PCSK5: variants seen among roughly 807,000 people sequenced by gnomAD.
PCSK5 encodes the protein prohormone convertase 5.
PCSK5 carries 129 observed loss-of-function variants against 233.2 expected under a neutral mutation model. The ratio of observed to expected loss-of-function variants is 0.55; its 90% CI spans 0.48 to 0.64. PCSK5 has a LOEUF of 0.64. Among genes scored for constraint, PCSK5 ranks in the 30% least tolerant of loss-of-function variants. PCSK5 has a pLI of 0.00. For missense variants in PCSK5, 2,076 were observed against 2,430.1 expected (o/e 0.85, Z 3.06); for synonymous variants, 825 against 879.2 (o/e 0.94, Z 1.09).
At chr9:76,193,229 T>G in intron 20 of PCSK5, 1 of 1,612,372 alleles carries the variant, frequency 6.2e-7, no homozygotes, top group Non-Finnish European at 8.5e-7. Flanking sequence ...TGCTGACTTC[T>G]GGAAAAGCAA....
chr9:76,037,689 TGAGCCAAAGAA>T (rs1828920561), intron 5 of PCSK5, among the ~76,000 whole-genome samples: 2 of 152,152 alleles, frequency 1.3e-5, no homozygotes, highest in Non-Finnish European at 2.9e-5. Context: ...AGGAAAAGAC[TGAGCCAAAGAA>T]GAGCCTGTGA....
At chr9:76,121,303 T>A in intron 9 of PCSK5, among the ~76,000 whole-genome samples, 1 of 152,152 alleles carries the variant, frequency 6.6e-6, no homozygotes, top group East Asian at 1.9e-4. Context: ...AATACATTGT[T>A]AATATTATTC....
intron 12 of PCSK5, among the ~76,000 whole-genome samples, chr9:76,166,448 T>G (rs1823089694): frequency 6.6e-6 from 1 of 152,202 alleles, no homozygotes; most frequent in Admixed American, 6.5e-5. Context: ...TGAAATGACT[T>G]TCAAAGGTGG....
At chr9:76,061,560 G>A (rs190393679) in intron 5 of PCSK5, among the ~76,000 whole-genome samples, 4 of 152,198 alleles carry the variant, frequency 2.6e-5, no homozygotes, top group Non-Finnish European at 2.9e-5. Context: ...AATAACTTAC[G>A]AAGACTAATG....
chr9:75,983,803 G>C (rs544491027), intron 2 of PCSK5, among the ~76,000 whole-genome samples: 1 of 152,198 alleles, frequency 6.6e-6, no homozygotes, highest in South Asian at 2.1e-4. Context: ...ATAACCTCTG[G>C]CTTTTTCCTT....
At chr9:75,991,035 T>C (rs533934834) in intron 3 of PCSK5, among the ~76,000 whole-genome samples, 2 of 152,348 alleles carry the variant, frequency 1.3e-5, no homozygotes, top group South Asian at 2.1e-4. Context: ...CACACTTTCA[T>C]GTGTATTATC....
At chr9:76,053,936 C>T (rs1303731828) in intron 5 of PCSK5, among the ~76,000 whole-genome samples, 6 of 152,082 alleles carry the variant, frequency 3.9e-5, no homozygotes, top group African/African-American at 1.2e-4. Context: ...AAGACATACT[C>T]GAGATTGGGT....
At chr9:76,209,145 A>C (rs1451875958) in intron 20 of PCSK5, among the ~76,000 whole-genome samples, 1 of 152,228 alleles carries the variant, frequency 6.6e-6, no homozygotes, top group Non-Finnish European at 1.5e-5. Flanking sequence ...ACAAATGTCT[A>C]GCCTACTAAA....
intron 35 of PCSK5, among the ~76,000 whole-genome samples, chr9:76,348,853 A>G (rs1830044235): frequency 6.6e-6 from 1 of 151,668 alleles, no homozygotes; most frequent in Non-Finnish European, 1.5e-5. Flanking sequence ...TACTTCTATG[A>G]GTTCAATTGT....
chr9:75,898,458 G>A (rs560798239), intron 1 of PCSK5, among the ~76,000 whole-genome samples: 5 of 152,162 alleles, frequency 3.3e-5, no homozygotes, highest in South Asian at 4.2e-4. Flanking sequence ...ACTCCTGATC[G>A]TTGACTGGGG....
At chr9:76,197,720 C>G (rs748478069) in intron 20 of PCSK5, among the ~76,000 whole-genome samples, 42 of 152,198 alleles carry the variant, frequency 2.8e-4, no homozygotes, top group African/African-American at 9.9e-4. Flanking sequence ...CCTTCTGTCC[C>G]CAACCACAAG....
chr9:76,296,962 A>G (rs1828459940), intron 27 of PCSK5, 97 bp downstream of exon 27: 1 of 775,026 alleles, frequency 1.3e-6, no homozygotes, highest in Non-Finnish European at 2.2e-6. Flanking sequence ...CAGGAGAGAA[A>G]GGCTGTGCAG....
At chr9:76,037,258 G>A (rs1229871683) in intron 5 of PCSK5, among the ~76,000 whole-genome samples, 3 of 152,094 alleles carry the variant, frequency 2.0e-5, no homozygotes, top group East Asian at 1.9e-4. Flanking sequence ...AAAGGAAAGG[G>A]AAAACTTCAC....
At chr9:76,251,963 T>G (rs1272652718) in intron 24 of PCSK5, among the ~76,000 whole-genome samples, 1 of 151,522 alleles carries the variant, frequency 6.6e-6, no homozygotes, top group Non-Finnish European at 1.5e-5. Context: ...TATGCTTTTT[T>G]GCAATTATAA....
Position 76,180,351 on chromosome 9 carries a change from G to A in PCSK5, c.2003+653G>A, listed in dbSNP as rs1261752047. On this transcript the variant is annotated intron_variant, in intron 15 of 37. Transcript: ENST00000674117. ...TGTCCTTTCCACCCCACTGATGTTT[G>A]ATTTCATGGCTTCACAAAGATGCCA... Among the ~76,000 whole-genome samples, 3 of 152,148 alleles carry A rather than the reference G, an allele frequency of 2.0e-5. No homozygotes were observed. In the East Asian group the frequency reaches 5.8e-4, roughly 29 times the overall value.
intron 2 of PCSK5, among the ~76,000 whole-genome samples, chr9:75,972,622 T>A (rs556475430): frequency 6.6e-6 from 1 of 152,346 alleles, no homozygotes; most frequent in South Asian, 2.1e-4. Flanking sequence ...TTCCTAGGTA[T>A]TTTATTCTTT....
chr9:75,942,885 CT>C (rs1393843650), intron 2 of PCSK5, among the ~76,000 whole-genome samples: 1,757 of 85,632 alleles, frequency 0.021, 12 homozygotes, highest in African/African-American at 0.05. Flanking sequence ...TCTTCTTCTT[CT>C]TTTTTTTTTT....
At chr9:76,056,990 T>C (rs1178860260) in intron 5 of PCSK5, among the ~76,000 whole-genome samples, 1 of 152,190 alleles carries the variant, frequency 6.6e-6, no homozygotes, top group Non-Finnish European at 1.5e-5. Flanking sequence ...AATATTCCAA[T>C]GAGTATTTAT....
intron 3 of PCSK5, among the ~76,000 whole-genome samples, chr9:75,991,369 A>C (rs185953844): frequency 6.6e-6 from 1 of 152,090 alleles, no homozygotes; most frequent in Admixed American, 6.6e-5. Flanking sequence ...CCCCTTTGAG[A>C]CACCACTTCC....
Sources: allele counts gnomAD v4.1 joint callset (sites outside exome capture counted in the v4.1 genomes callset), GRCh38; gene constraint gnomAD v4.1.1; transcripts MANE v1.5; gene names NCBI Gene and HGNC (gene_info 2026-07-23, HGNC 2026-07-21).